Variants in GPCPD1 observed in about 807,000 individuals in gnomAD.
The protein encoded by GPCPD1 is glycerophosphocholine phosphodiesterase GPCPD1.
In GPCPD1, 29 loss-of-function variants were observed where a neutral mutation model predicts 89.2. The ratio of observed to expected loss-of-function variants is 0.33; its 90% confidence interval spans 0.24 to 0.44. The LOEUF (loss-of-function observed/expected upper bound fraction) is 0.44, where lower values mean the gene tolerates loss of function less well. Ranked by LOEUF, GPCPD1 falls within the 20% of genes least tolerant of loss-of-function variation. The probability of loss-of-function intolerance (pLI) is 1.00; values close to 1 mark genes in which losing one functional copy is unlikely to be tolerated. For missense variants in GPCPD1, 594 were observed against 808.9 expected, an observed-to-expected ratio of 0.73 and a Z score of 3.22; for synonymous variants, 258 against 266.3, an observed-to-expected ratio of 0.97 and a Z score of 0.30.
In GPCPD1 at chr20:5,558,831, C is replaced by CAATTTTAAA. The variant is rs1985923291; in HGVS notation, c.1533-21_1533-13dup. 6.5e-7 allele frequency: 1 copy of CAATTTTAAA among 1,541,602 alleles called. No homozygotes were observed. Among genetic ancestry groups the CAATTTTAAA allele is most frequent in the African/African-American group, 1.4e-5 (1 of 71,074 alleles). Reference sequence around the variant, plus strand: ...GCTTTTGCCGAACCCTGAAAAGAAACAATTTTAAAAATACCTTTCAATGGG... The same window carrying CAATTTTAAA: ...GCTTTTGCCGAACCCTGAAAAGAAACAATTTTAAAAATTTTAAAAATACCTTTCAATGGG... On this transcript the variant is annotated splice_polypyrimidine_tract_variant and intron_variant, in intron 17 of 19. Transcript: ENST00000379019.
chr20:5,550,665 A>G (rs1458733635), intron 19 of GPCPD1, among the ~76,000 whole-genome samples: 1 of 152,240 alleles, frequency 6.6e-6, no homozygotes. Flanking sequence ...GATGATGGAG[A>G]ATGTTTCTAA....
intron 3 of GPCPD1, among the ~76,000 whole-genome samples, chr20:5,594,633 A>G (rs1432238065): frequency 1.3e-5 from 2 of 152,182 alleles, no homozygotes; most frequent in African/African-American, 4.8e-5. Flanking sequence ...AACCCCTGTC[A>G]TAGACCATTA....
intron 2 of GPCPD1, among the ~76,000 whole-genome samples, chr20:5,601,372 T>G (rs1400106915): frequency 7.1e-6 from 1 of 140,170 alleles, no homozygotes; most frequent in Non-Finnish European, 1.5e-5. Flanking sequence ...TTTTTTTTTT[T>G]TTTTTTTTTT....
intron 1 of GPCPD1, among the ~76,000 whole-genome samples, chr20:5,604,661 C>T (rs988498803): frequency 3.6e-5 from 4 of 110,026 alleles, no homozygotes; most frequent in African/African-American, 1.3e-4. Context: ...AAAAATAAAC[C>T]AGGCACAGTG....
chr20:5,607,291 GAAAA>G lies in GPCPD1; in HGVS notation c.-28-2855_-28-2852del, dbSNP rs201638613. Among the ~76,000 whole-genome samples the G allele has an allele frequency of 1.6e-3, 230 of 143,110 alleles. 3 individuals are homozygous for G. In the East Asian group the frequency reaches 0.023, roughly 14 times the overall value. The allele number at this position is 143,110 out of a possible 152,430, so 93.9% of individuals were successfully genotyped here. On this transcript the variant is annotated intron_variant, in intron 1 of 19. Coordinates refer to ENST00000379019, the MANE Select transcript of GPCPD1 (RefSeq NM_019593.5). Reference sequence around the variant, plus strand: ...AACACAGCGAGACTCTATCTCAAAAGAAAAGAAAGAAAGAAAAAAGGCCGGGCAT... The same window carrying G: ...AACACAGCGAGACTCTATCTCAAAAGGAAAGAAAGAAAAAAGGCCGGGCAT...
intron 1 of GPCPD1, among the ~76,000 whole-genome samples, chr20:5,605,029 CA>C (rs531944986): frequency 0.01 from 1,568 of 150,130 alleles, 15 homozygotes; most frequent in Middle Eastern, 0.02. Context: ...CAATTATGAG[CA>C]AAAAAAAAGA....
chr20:5,573,678 G>A (rs1389630793), intron 11 of GPCPD1, among the ~76,000 whole-genome samples: 1 of 152,296 alleles, frequency 6.6e-6, no homozygotes, highest in African/African-American at 2.4e-5. Flanking sequence ...AGGAGGTTGA[G>A]GCTGCAGTGA....
intron 19 of GPCPD1, among the ~76,000 whole-genome samples, chr20:5,549,889 CA>C (rs1985279101): frequency 6.6e-6 from 1 of 151,482 alleles, no homozygotes; most frequent in Non-Finnish European, 1.5e-5. Context: ...GACACAATAG[CA>C]GACATGAAAA....
chr20:5,592,225 C>G (rs1360692746), intron 4 of GPCPD1, among the ~76,000 whole-genome samples: 1 of 152,068 alleles, frequency 6.6e-6, no homozygotes, highest in Non-Finnish European at 1.5e-5. Context: ...CTTTCCATAT[C>G]TATGACCTAT....
chr20:5,591,789 A>G (rs984165684), intron 4 of GPCPD1, among the ~76,000 whole-genome samples: 7 of 152,204 alleles, frequency 4.6e-5, no homozygotes, highest in African/African-American at 9.6e-5. Context: ...AGCCATATGC[A>G]TGGGATTTTA....
chr20:5,572,459 G>A (rs543098473), intron 11 of GPCPD1, among the ~76,000 whole-genome samples: 29 of 152,216 alleles, frequency 1.9e-4, no homozygotes, highest in African/African-American at 6.3e-4. Context: ...TCAAAGCTAA[G>A]TTGTAAACCC....
chr20:5,548,872 T>A (rs1194416457), intron 19 of GPCPD1: 1 of 990,168 alleles, frequency 1.0e-6, no homozygotes, highest in African/African-American at 1.7e-5. Flanking sequence ...CTACTCCTAA[T>A]CCCCCTGTGA....
chr20:5,578,040 C>T (rs1247592696), intron 8 of GPCPD1, among the ~76,000 whole-genome samples: 1 of 152,236 alleles, frequency 6.6e-6, no homozygotes, highest in African/African-American at 2.4e-5. Context: ...ACGCTTGTTA[C>T]ATCGGGATGC....
intron 19 of GPCPD1, among the ~76,000 whole-genome samples, chr20:5,551,375 G>A (rs1283639322): frequency 1.3e-5 from 2 of 152,134 alleles, no homozygotes; most frequent in African/African-American, 4.8e-5. Flanking sequence ...CTGGGTTGCC[G>A]CATAAAATAA....
chr20:5,551,723 A>T (rs561496731), intron 19 of GPCPD1, among the ~76,000 whole-genome samples: 2 of 152,250 alleles, frequency 1.3e-5, no homozygotes, highest in African/African-American at 4.8e-5. Flanking sequence ...GTGAGCCGAG[A>T]CAGTGCCACT....
chr20:5,564,910 T>C, intron 15 of GPCPD1, 107 bp downstream of exon 15: 1 of 704,318 alleles, frequency 1.4e-6, no homozygotes, highest in East Asian at 2.5e-5. Flanking sequence ...CATATTAACA[T>C]TGTCTTTAAC....
chr20:5,579,950 G>A, intron 7 of GPCPD1, 58 bp downstream of exon 7: 2 of 1,111,230 alleles, frequency 1.8e-6, no homozygotes, highest in Non-Finnish European at 2.6e-6. Context: ...AATTGAGTCT[G>A]AAATCTACAG....
intron 16 of GPCPD1, among the ~76,000 whole-genome samples, chr20:5,560,333 T>C (rs1480882959): frequency 3.3e-5 from 5 of 152,216 alleles, no homozygotes; most frequent in Non-Finnish European, 5.9e-5. Context: ...ATATCATCAA[T>C]ACACTTTTGC....
intron 19 of GPCPD1, among the ~76,000 whole-genome samples, chr20:5,552,001 T>C (rs1985441137): frequency 6.6e-6 from 1 of 152,160 alleles, no homozygotes; most frequent in Non-Finnish European, 1.5e-5. Context: ...AAGCAGATTA[T>C]TTAGAAATAG....
Sources: gnomAD v4.1 joint callset for allele counts (sites outside exome capture counted in the v4.1 genomes callset) on GRCh38, gnomAD v4.1.1 for gene constraint, MANE v1.5 for transcripts, NCBI Gene and HGNC (gene_info 2026-07-23, HGNC 2026-07-21) for gene names.